The following PRX variants were observed in gnomAD, a reference collection of about 807,000 sequenced individuals.
The protein encoded by PRX is periaxin.
A neutral mutation model predicts 29.6 loss-of-function variants in PRX; 24 were observed. The observed-to-expected ratio is 0.81, with a 90% CI of 0.59 to 1.14. The LOEUF is 1.14. PRX is among the 50% of genes most tolerant of loss of function. The pLI, the probability that PRX is intolerant of heterozygous loss-of-function variation, is 0.00. For synonymous variants in PRX, 772 were observed against 831.7 expected, an observed-to-expected ratio of 0.93 and a Z score of 1.24; for missense variants, 1,838 against 1,926.4, an observed-to-expected ratio of 0.95 and a Z score of 0.86.
chr19:40,403,809 G>C lies in PRX; in HGVS notation c.81C>G (p.Thr27=). Residue 27 remains threonine (T), a synonymous_variant, in exon 5 of 7, where the codon ACC becomes ACG. Coordinates refer to ENST00000324001, the MANE Select transcript of PRX (RefSeq NM_181882.3). ...VEIIVETEAQ[T]GVSGINVAGG... ...CCGCTACGTTGATGCCGCTGACCCC[G>C]GTCTGCGCCTCCGTCTCCACGATAA... 6.2e-7 allele frequency: 1 copy of C among 1,608,872 alleles called. No individual in the cohort carries two copies. Among genetic ancestry groups the C allele is most frequent in the Non-Finnish European group, 8.5e-7 (1 of 1,178,730 alleles).
chr19:40,397,518 C>G lies in PRX; in HGVS notation c.834G>C (p.Pro278=). ...CTGGGGCCTCCACAGCAGGCGGAGCCGGGGCTCCGAGCCCAAGGGTTGGCA... is the reference window on the plus strand; with the variant it reads ...CTGGGGCCTCCACAGCAGGCGGAGCGGGGGCTCCGAGCCCAAGGGTTGGCA... The part of the protein sequence containing the change: ...LHLPTLGLGA[P]APPAVEAPAV... The change falls in exon 7 of 7, where the codon CCG becomes CCC. Residue 278 remains proline, a synonymous_variant. Coordinates refer to ENST00000324001, the MANE Select transcript of PRX (RefSeq NM_181882.3). 1 of 1,546,890 alleles carries G rather than the reference C, an allele frequency of 6.5e-7. No homozygotes were observed. Among genetic ancestry groups the G allele is most frequent in the Non-Finnish European group, 8.7e-7 (1 of 1,147,834 alleles).
chr19:40,395,592 C>G lies in PRX; in HGVS notation c.2760G>C (p.Met920Ile). The part of the protein sequence containing the change: ...AVEIEEGRLE[M>I]IETKVKPSSK... ...AAGAGGGCTTGACTTTTGTCTCTAT[C>G]ATCTCCAGCCGCCCTTCCTCAATTT... The change falls in exon 7 of 7, where the codon ATG (methionine) becomes ATC (isoleucine). Residue 920 changes from methionine (M) to isoleucine (I), a missense_variant. By Grantham distance (10) the Met-to-Ile change is conservative (BLOSUM62 1). Coordinates refer to ENST00000324001, the MANE Select transcript of PRX (RefSeq NM_181882.3). 1.2e-6 allele frequency: 2 copies of G among 1,614,216 alleles called. No homozygotes were observed. Among genetic ancestry groups the G allele is most frequent in the Non-Finnish European group, 1.7e-6 (2 of 1,180,024 alleles).
In PRX at chr19:40,398,892, G is replaced by T; in HGVS notation, c.185-76C>A. 6.2e-7 allele frequency: 1 copy of T among 1,602,462 alleles called. No individual in the cohort carries two copies. Among genetic ancestry groups the T allele is most frequent in the South Asian group, 1.1e-5 (1 of 89,930 alleles). ...CGGGCCTAGTTCTGCCCACTTGCAC[G>T]GAGCCCTCGCGGTGAGGACCCGCCC... On this transcript the variant is annotated intron_variant, in intron 5 of 6. Transcript: ENST00000324001. The surrounding 1 kb of genome is among the most constrained non-coding windows in gnomAD (Gnocchi z 6.3).
chr19:40,408,334 G>A lies in PRX; in HGVS notation c.-199+6C>T, dbSNP rs928603616. 1.9e-5 allele frequency: 7 copies of A among 368,386 alleles called. 1 individual carries two copies. The highest frequency in any genetic ancestry group is 7.7e-5 in the Admixed American group (2 of 25,972). 22.8% of individuals were successfully genotyped at this position (368,386 alleles called of 1,614,324 possible). The stretch of plus-strand genomic sequence containing the variant: ...GGAGGGGCATATGGCACCAGCCTGC[G>A]CTCACCTGAGGGTCACCTCCAGCTC... On this transcript the variant is annotated splice_donor_region_variant and intron_variant, in intron 2 of 6. Coordinates refer to ENST00000324001, the MANE Select transcript of PRX (RefSeq NM_181882.3).
rs2079447078 is a variant in PRX, at chr19:40,397,107, C to G, written c.1245G>C (p.Leu415=). 1 of 1,614,028 alleles carries G rather than the reference C, an allele frequency of 6.2e-7. No homozygotes were observed. Among genetic ancestry groups the G allele is most frequent in the Admixed American group, 1.7e-5 (1 of 60,008 alleles). ...PAAPEVVESK[L]KLPTIKMPSL... is the part of the protein sequence containing the mutation. ...AGGGCATCTTGATGGTGGGCAGCTT[C>G]AGCTTGCTCTCTACAACTTCAGGAG... The change falls in exon 7 of 7, where the codon CTG becomes CTC. Residue 415 remains leucine, a synonymous_variant. Transcript: ENST00000324001.
intron 4 of PRX, among the ~76,000 whole-genome samples, chr19:40,406,614 G>C (rs576150825): frequency 6.6e-6 from 1 of 151,940 alleles, no homozygotes; most frequent in Non-Finnish European, 1.5e-5. Context: ...CAGTAGACCC[G>C]CTCTGTGCCT....
intron 4 of PRX, 107 bp downstream of exon 4, chr19:40,407,799 G>T: frequency 6.8e-7 from 1 of 1,476,830 alleles, no homozygotes; most frequent in Non-Finnish European, 9.4e-7. Context: ...CCATTTCACA[G>T]ATGGAGAGAA....
At position 40,396,107 on chromosome 19, in the gene PRX, T is replaced by G. The variant is rs755014286; in HGVS notation, c.2245A>C (p.Lys749Gln). The G allele has an allele frequency of 1.1e-5, 18 of 1,614,078 alleles. No homozygotes were observed. The highest frequency in any genetic ancestry group is 1.4e-5 in the Non-Finnish European group (17 of 1,180,048). ...DVHLPEVQLP[K>Q]VSEIRLPEMQ... ...TCCGGCAGCCGAATCTCTGACACTT[T>G]CGGCAGCTGCACCTCGGGGAGGTGC... Residue 749 changes from lysine to glutamine, a missense_variant, in exon 7 of 7, where the codon AAA becomes CAA. Physicochemically the swap from Lys to Gln is moderately conservative, Grantham distance 53. Coordinates refer to ENST00000324001, the MANE Select transcript of PRX (RefSeq NM_181882.3).
In PRX at chr19:40,408,815, TG is replaced by T. The variant is rs796890956; in HGVS notation, c.-242-433del. The stretch of plus-strand genomic sequence containing the variant: ...CCGGCTACGTTTTTGTTGTTGTTGG[TG>T]GTGTGTGTGTGTGTGTGTGTGTGTG... On this transcript the variant is annotated intron_variant, in intron 1 of 6. Transcript: ENST00000324001. Among the ~76,000 whole-genome samples the T allele has an allele frequency of 1.7e-4, 20 of 118,524 alleles. No individual in the cohort carries two copies. The South Asian group carries it at 2.4e-3, about 14-fold the overall frequency. 77.8% of individuals were successfully genotyped at this position (118,524 alleles called of 152,430 possible). A position where few individuals can be genotyped will look rare whatever the true frequency, so the allele number is the denominator to read the frequency against.
intron 5 of PRX, among the ~76,000 whole-genome samples, chr19:40,403,422 A>G (rs187221083): frequency 3.9e-5 from 6 of 152,234 alleles, no homozygotes; most frequent in East Asian, 1.9e-4. Flanking sequence ...TCCTCAATAC[A>G]TAATAACCCC....
chr19:40,403,598 G>A, intron 5 of PRX, 108 bp downstream of exon 5: 1 of 1,362,390 alleles, frequency 7.3e-7, no homozygotes, highest in Non-Finnish European at 9.8e-7. Flanking sequence ...CCTGGTCGCC[G>A]GTCACGCCCC....
intron 5 of PRX, among the ~76,000 whole-genome samples, chr19:40,402,112 G>C (rs2079498862): frequency 6.6e-6 from 1 of 152,088 alleles, no homozygotes; most frequent in Non-Finnish European, 1.5e-5. Context: ...CAGCACTTTG[G>C]GAGGCCGAGG....
intron 5 of PRX, among the ~76,000 whole-genome samples, chr19:40,399,876 T>C (rs553580008): frequency 1.5e-5 from 1 of 67,806 alleles, no homozygotes; most frequent in Non-Finnish European, 3.0e-5. Flanking sequence ...TCTTTCTTTC[T>C]TTCTTTCTTT....
chr19:40,394,086 C>T lies in PRX; in HGVS notation c.4266G>A (p.Arg1422=). ...FPRVSLSPKA[R]SGSGDQEEGG... is the part of the protein sequence containing the mutation. ...CCTCTTCCTGGTCCCCACTCCCACTCCGGGCCTTGGGGCTTAGGGACACCC... is the reference window on the plus strand; with the variant it reads ...CCTCTTCCTGGTCCCCACTCCCACTTCGGGCCTTGGGGCTTAGGGACACCC... The change falls in exon 7 of 7, where the codon CGG becomes CGA. Residue 1422 remains arginine (R), a synonymous_variant. Coordinates refer to ENST00000324001, the MANE Select transcript of PRX (RefSeq NM_181882.3). The surrounding 1 kb of genome is among the most constrained non-coding windows in gnomAD (Gnocchi z 5.8). 6.2e-7 allele frequency: 1 copy of T among 1,611,374 alleles called. No homozygotes were observed. The highest frequency in any genetic ancestry group is 1.1e-5 in the South Asian group (1 of 90,936).
chr19:40,403,626 C>T, intron 5 of PRX, 80 bp downstream of exon 5: 1 of 1,463,772 alleles, frequency 6.8e-7, no homozygotes, highest in Non-Finnish European at 9.1e-7. Context: ...CGGTCAGTTT[C>T]AGCCTCTCTT....
At chr19:40,410,850 G>A (rs1321491429) in intron 1 of PRX, among the ~76,000 whole-genome samples, 3 of 152,098 alleles carry the variant, frequency 2.0e-5, no homozygotes, top group African/African-American at 4.8e-5. Flanking sequence ...CAGCCTGTGC[G>A]ATAGAGCGAG....
At position 40,394,635 on chromosome 19, in the gene PRX, G is replaced by A. The variant is rs764955913; in HGVS notation, c.3717C>T (p.Gly1239=). 3.0e-5 allele frequency: 48 copies of A among 1,606,698 alleles called. No homozygotes were observed. Among genetic ancestry groups the A allele is most frequent in the Non-Finnish European group, 3.6e-5 (43 of 1,179,648 alleles). The change falls in exon 7 of 7, where the codon GGC becomes GGT. Residue 1239 remains glycine, a synonymous_variant. Coordinates refer to ENST00000324001, the MANE Select transcript of PRX (RefSeq NM_181882.3). The surrounding 1 kb of genome is among the most constrained non-coding windows in gnomAD (Gnocchi z 5.8). ...REAQAGEAAT[G]EGGLRLKLPT... The stretch of plus-strand genomic sequence containing the variant: ...GCAACTTCAGCCTCAGCCCACCCTC[G>A]CCTGTGGCCGCCTCGCCCGCCTGTG...
chr19:40,399,906 T>TCC (rs1555801712), intron 5 of PRX, among the ~76,000 whole-genome samples: 1 of 57,012 alleles, frequency 1.8e-5, no homozygotes, highest in East Asian at 5.6e-4. Flanking sequence ...TTTCTTTCTT[T>TCC]TTCTTTCTTT....
rs749585237 is a variant in PRX at position 40,396,085 on chromosome 19, G to A, written c.2267C>T (p.Pro756Leu). 30 of 1,614,016 alleles carry A rather than the reference G, an allele frequency of 1.9e-5. No homozygotes were observed. The highest frequency in any genetic ancestry group is 7.7e-5 in the South Asian group (7 of 91,090). The change falls in exon 7 of 7, where the codon CCG becomes CTG. Residue 756 changes from proline to leucine, a missense_variant. By Grantham distance (98) the Pro-to-Leu change is moderately conservative (BLOSUM62 -3). Transcript: ENST00000324001. ...GGGAACCTTCGGCACTTGCATTTCC[G>A]GCAGCCGAATCTCTGACACTTTCGG... ...QLPKVSEIRL[P>L]EMQVPKVPDV...
Sources: allele counts gnomAD v4.1 joint callset (sites outside exome capture counted in the v4.1 genomes callset), GRCh38; gene constraint gnomAD v4.1.1; non-coding constraint Gnocchi (gnomAD v3.1); transcripts MANE v1.5; gene names NCBI Gene and HGNC (gene_info 2026-07-23, HGNC 2026-07-21).